The following RAB11FIP1 variants were observed in gnomAD, a reference collection of about 807,000 sequenced individuals.
RAB11FIP1 encodes RAB11 family interacting protein 1, also known as rab11 family-interacting protein 1.
A neutral mutation model predicts 83.1 loss-of-function variants in RAB11FIP1; 49 were observed. The ratio of observed to expected loss-of-function variants is 0.59; its 90% CI spans 0.47 to 0.75. The LOEUF (loss-of-function observed/expected upper bound fraction) is 0.75. Among genes scored for constraint, RAB11FIP1 ranks in the 30% least tolerant of loss-of-function variants. The pLI, the probability that RAB11FIP1 is intolerant of heterozygous loss-of-function variation, is 0.00. For missense variants in RAB11FIP1, 1,536 were observed against 1,598.7 expected (o/e 0.96, Z 0.67); for synonymous variants, 670 against 656.0 (o/e 1.02, Z -0.33).
Position 37,860,700 on chromosome 8 carries a change from GTAAA to G in RAB11FIP1, c.*2191_*2194del, listed in dbSNP as rs1806216597. The G allele has an allele frequency of 6.6e-6, 1 of 152,606 alleles. No homozygotes were observed. The highest frequency in any genetic ancestry group is 2.4e-5 in the African/African-American group (1 of 41,428). The allele number at this position is 152,606 out of a possible 1,614,324, so 9.5% of individuals were successfully genotyped here. A position where few individuals can be genotyped will look rare whatever the true frequency, so the allele number is the denominator to read the frequency against. On this transcript the variant is annotated 3_prime_UTR_variant, in exon 6 of 6. Coordinates refer to ENST00000330843, the MANE Select transcript of RAB11FIP1 (RefSeq NM_001002814.3). ...AACATACAGTTTTCTTTATAAGTAT[GTAAA>G]TAAATTTCATAGCACTACAAAAATA...
chr8:37,890,329 T>A (rs911966483), intron 1 of RAB11FIP1, among the ~76,000 whole-genome samples: 3 of 152,172 alleles, frequency 2.0e-5, no homozygotes, highest in South Asian at 2.1e-4. Context: ...TGTCCTTTTT[T>A]AAAAAGTGAA....
chr8:37,882,513 G>A (rs1180499890), intron 1 of RAB11FIP1, among the ~76,000 whole-genome samples: 1 of 152,298 alleles, frequency 6.6e-6, no homozygotes, highest in East Asian at 1.9e-4. Context: ...ATCTCTCAAT[G>A]ATCTTTTTAT....
chr8:37,865,942 C>T (rs556559178), intron 5 of RAB11FIP1, among the ~76,000 whole-genome samples: 2 of 152,118 alleles, frequency 1.3e-5, no homozygotes, highest in East Asian at 3.9e-4. Flanking sequence ...TCATACGAAC[C>T]GTCAAACAGC....
rs2130160895 is a variant in RAB11FIP1, at chr8:37,877,239, C to G, written c.684G>C (p.Lys228Asn). ...CAGACATGGACTGGGAAAGAGGCGT[C>G]TTCTGCAAATTTGACTTGGAAAGTA... ...KTLLSKSNLQ[K>N]TPLSQSMSVL... The change falls in exon 2 of 6, where the codon AAG becomes AAC. Residue 228 changes from lysine to asparagine, a missense_variant. Transcript: ENST00000330843. 1.9e-6 allele frequency: 3 copies of G among 1,614,122 alleles called. No individual in the cohort carries two copies. Among genetic ancestry groups the G allele is most frequent in the Non-Finnish European group, 2.5e-6 (3 of 1,180,008 alleles).
chr8:37,870,630 G>T, intron 4 of RAB11FIP1, 102 bp from the exon 5 acceptor site: 1 of 634,210 alleles, frequency 1.6e-6, no homozygotes. Flanking sequence ...CAAGGGGCAG[G>T]TGGGTCACAT....
Position 37,899,410 on chromosome 8 carries a change from A to G in RAB11FIP1, c.32T>C (p.Leu11Pro). The change falls in exon 1 of 6, where the codon CTG becomes CCG. Residue 11 changes from leucine (L) to proline (P), a missense_variant. Transcript: ENST00000330843. This position sits in a 1 kb window ranked among gnomAD's most constrained non-coding sequence, Gnocchi z 4.5. MSLMVSAGRG[L>P]GAVWSPTHVQ... is the part of the protein sequence containing the mutation. ...GTGGGTTGGGGACCACACGGCCCCC[A>G]GGCCCCGGCCAGCCGAGACCATTAG... The G allele has an allele frequency of 1.3e-6, 2 of 1,587,796 alleles. No homozygotes were observed. Among genetic ancestry groups the G allele is most frequent in the East Asian group, 2.3e-5 (1 of 43,508 alleles).
chr8:37,898,479 C>A (rs1212759721), intron 1 of RAB11FIP1, among the ~76,000 whole-genome samples: 1 of 152,090 alleles, frequency 6.6e-6, no homozygotes, highest in Non-Finnish European at 1.5e-5. Flanking sequence ...CTGATGAAAC[C>A]CCGTCTCTAC....
rs757251715 is a variant in RAB11FIP1 at position 37,874,844 on chromosome 8, G to C, written c.1293C>G (p.Ser431Arg). 7 of 1,614,012 alleles carry C rather than the reference G, an allele frequency of 4.3e-6. No individual in the cohort carries two copies. The East Asian group carries it at 1.6e-4, about 36-fold the overall frequency. The change falls in exon 3 of 6, where the codon AGC becomes AGG. Residue 431 changes from serine to arginine, a missense_variant. Physicochemically the swap from Ser to Arg is moderately radical, Grantham distance 110 (BLOSUM62 -1). Coordinates refer to ENST00000330843, the MANE Select transcript of RAB11FIP1 (RefSeq NM_001002814.3). ...TCAGAGACAGCAAAGAGGACCTCCT[G>C]CTCTCTGGCTTCTTGCTCTCCTTAG... is the stretch of plus-strand genomic sequence containing the variant. ...KEAKESKKPE[S>R]RRSSLLSLMT... is the part of the protein sequence containing the mutation.
chr8:37,879,412 CCA>C (rs1806690581), intron 1 of RAB11FIP1, among the ~76,000 whole-genome samples: 1 of 152,042 alleles, frequency 6.6e-6, no homozygotes. Flanking sequence ...TCAAATTCAT[CCA>C]GTCAGAAAGT....
At chr8:37,897,410 G>A (rs1807110860) in intron 1 of RAB11FIP1, among the ~76,000 whole-genome samples, 1 of 149,978 alleles carries the variant, frequency 6.7e-6, no homozygotes, top group African/African-American at 2.5e-5. Flanking sequence ...TAGGCTTTCG[G>A]TGCTAACTGA....
Position 37,875,280 on chromosome 8 carries a change from A to C in RAB11FIP1, c.857T>G (p.Leu286Arg). The C allele has an allele frequency of 6.2e-7, 1 of 1,613,772 alleles. No homozygotes were observed. The highest frequency in any genetic ancestry group is 8.5e-7 in the Non-Finnish European group (1 of 1,179,880). The change falls in exon 3 of 6, where the codon CTG (leucine) becomes CGG (arginine). Residue 286 changes from leucine (L) to arginine (R), a missense_variant. By Grantham distance (102) the Leu-to-Arg change is moderately radical. Coordinates refer to ENST00000330843, the MANE Select transcript of RAB11FIP1 (RefSeq NM_001002814.3). ...KRTASTDLKQLNQVNFTLPKK... is the reference protein window; with the variant it reads ...KRTASTDLKQRNQVNFTLPKK... ...GGGAAGGGTAAAGTTGACCTGGTTC[A>C]GTTGCTTAAGATCCGTACTCGCTGT... is the stretch of plus-strand genomic sequence containing the variant.
At chr8:37,893,038 A>T (rs1389071643) in intron 1 of RAB11FIP1, among the ~76,000 whole-genome samples, 1 of 149,828 alleles carries the variant, frequency 6.7e-6, no homozygotes, top group Non-Finnish European at 1.5e-5. Flanking sequence ...CACAGTACTT[A>T]CCACAATATA....
At chr8:37,864,692 C>A (rs983871537) in intron 5 of RAB11FIP1, among the ~76,000 whole-genome samples, 1 of 152,200 alleles carries the variant, frequency 6.6e-6, no homozygotes, top group African/African-American at 2.4e-5. Flanking sequence ...ATAGACAGAG[C>A]GGGTTCAACC....
intron 3 of RAB11FIP1, 77 bp from the exon 4 acceptor site, chr8:37,873,256 G>C (rs2130146804): frequency 1.4e-6 from 2 of 1,454,086 alleles, no homozygotes; most frequent in Non-Finnish European, 1.8e-6. Flanking sequence ...ACAAAAACAA[G>C]TCATTCACCA....
intron 1 of RAB11FIP1, 164 bp from the exon 2 acceptor site, chr8:37,877,715 T>C (rs1391666413): frequency 1.0e-5 from 5 of 488,146 alleles, no homozygotes; most frequent in Non-Finnish European, 1.7e-5. Flanking sequence ...AGAATTTTTT[T>C]TTTTTTTTTT....
chr8:37,894,739 TACACACAC>T (rs1554533315), intron 1 of RAB11FIP1, among the ~76,000 whole-genome samples: 1 of 147,240 alleles, frequency 6.8e-6, no homozygotes, highest in African/African-American at 2.5e-5. Context: ...TATATATATA[TACACACAC>T]ACACATACAT....
chr8:37,879,926 T>C (rs1806700833), intron 1 of RAB11FIP1, among the ~76,000 whole-genome samples: 1 of 152,166 alleles, frequency 6.6e-6, no homozygotes, highest in African/African-American at 2.4e-5. Flanking sequence ...ACATATATTT[T>C]ACCACAATAA....
intron 1 of RAB11FIP1, among the ~76,000 whole-genome samples, chr8:37,882,125 T>C (rs947435466): frequency 1.3e-5 from 2 of 152,124 alleles, no homozygotes; most frequent in African/African-American, 2.4e-5. Context: ...GGCAGGGGTT[T>C]CTCCACAGCT....
Position 37,861,466 on chromosome 8 carries a change from G to A in RAB11FIP1, c.*1429C>T. The A allele has an allele frequency of 2.5e-6, 1 of 402,342 alleles. No homozygotes were observed. The highest frequency in any genetic ancestry group is 4.8e-6 in the Non-Finnish European group (1 of 210,240). The allele number at this position is 402,342 out of a possible 1,614,324, so 24.9% of individuals were successfully genotyped here. On this transcript the variant is annotated 3_prime_UTR_variant, in exon 6 of 6. Transcript: ENST00000330843. ...TGGGCAGGGAGAGAAAGTGTTCAAA[G>A]GACAGACATGCAGATGCAGTTCAAT...
Sources: gnomAD v4.1 joint callset for allele counts (sites outside exome capture counted in the v4.1 genomes callset) on GRCh38, gnomAD v4.1.1 for gene constraint, Gnocchi (gnomAD v3.1) non-coding constraint, MANE v1.5 for transcripts, NCBI Gene and HGNC (gene_info 2026-07-23, HGNC 2026-07-21) for gene names.